Variants in CACNB4 observed in about 807,000 individuals in gnomAD.
CACNB4 encodes the protein voltage-dependent L-type calcium channel subunit beta-4.
In CACNB4, 32 loss-of-function variants were observed where a neutral mutation model predicts 71.2. The observed-to-expected ratio is 0.45, with a 90% CI of 0.34 to 0.60. The LOEUF (loss-of-function observed/expected upper bound fraction) is 0.60. Among genes scored for constraint, CACNB4 ranks in the 20% least tolerant of loss-of-function variants. The pLI is 0.01. For missense variants in CACNB4, 464 were observed against 647.9 expected (o/e 0.72, Z 3.08); for synonymous variants, 231 against 236.9 (o/e 0.97, Z 0.23).
chr2:151,976,816 C>T (rs1434782168), intron 2 of CACNB4, among the ~76,000 whole-genome samples: 1 of 152,174 alleles, frequency 6.6e-6, no homozygotes, highest in African/African-American at 2.4e-5. Flanking sequence ...TGAGACGTCC[C>T]TGGGAGCTTC....
At chr2:151,943,763 AT>A (rs1225534036) in intron 2 of CACNB4, among the ~76,000 whole-genome samples, 2 of 152,178 alleles carry the variant, frequency 1.3e-5, no homozygotes, top group Admixed American at 1.3e-4. Context: ...GAAGAAACTG[AT>A]TATGCATCAT....
At chr2:151,855,558 TA>T (rs1249319867) in intron 10 of CACNB4, among the ~76,000 whole-genome samples, 183 bp from the exon 11 acceptor site, 2 of 152,242 alleles carry the variant, frequency 1.3e-5, no homozygotes, top group Admixed American at 6.5e-5. Context: ...GAGTTTTGCA[TA>T]CAACCAGTTG....
intron 2 of CACNB4, among the ~76,000 whole-genome samples, chr2:151,939,912 A>T (rs2099863820): frequency 6.6e-6 from 1 of 152,228 alleles, no homozygotes; most frequent in African/African-American, 2.4e-5. Context: ...AAAGAAAAAA[A>T]AACCTAGCCT....
chr2:152,092,343 A>G (rs973313536), intron 2 of CACNB4, among the ~76,000 whole-genome samples: 3 of 152,250 alleles, frequency 2.0e-5, no homozygotes, highest in East Asian at 1.9e-4. Context: ...CATCAGAGAA[A>G]CATATCTATA....
chr2:151,885,389 G>C lies in CACNB4; in HGVS notation c.148-2019C>G, dbSNP rs1488452290. ...ACTGAATCCTTGCAGCAGTGGGAAGGCTGAGACTCAAACTCAGGTAGTTCA... is the reference window on the plus strand; with the variant it reads ...ACTGAATCCTTGCAGCAGTGGGAAGCCTGAGACTCAAACTCAGGTAGTTCA... On this transcript the variant is annotated intron_variant, in intron 2 of 13. Transcript: ENST00000539935. 2.6e-5 allele frequency among the ~76,000 whole-genome samples: 4 copies of C among 152,158 alleles called. No homozygotes were observed. In the East Asian group the frequency reaches 7.7e-4, roughly 29 times the overall value.
intron 3 of CACNB4, among the ~76,000 whole-genome samples, 167 bp from the exon 4 acceptor site, chr2:151,881,089 G>C (rs1354264098): frequency 1.3e-5 from 2 of 152,166 alleles, no homozygotes; most frequent in African/African-American, 2.4e-5. Flanking sequence ...AGATGACTCT[G>C]AAAATGATTG....
At chr2:152,096,293 C>A (rs1453051103) in intron 2 of CACNB4, among the ~76,000 whole-genome samples, 2 of 151,706 alleles carry the variant, frequency 1.3e-5, no homozygotes, top group Non-Finnish European at 2.9e-5. Flanking sequence ...ACCATCCTGG[C>A]TAACACGGTG....
chr2:152,026,477 T>C (rs1683980626), intron 2 of CACNB4, among the ~76,000 whole-genome samples: 2 of 151,712 alleles, frequency 1.3e-5, no homozygotes, highest in African/African-American at 4.8e-5. Flanking sequence ...CTCTGCCTCC[T>C]GGGCTCAAGC....
intron 2 of CACNB4, among the ~76,000 whole-genome samples, chr2:151,895,660 T>C (rs142708576): frequency 1.6e-4 from 24 of 152,124 alleles, no homozygotes; most frequent in African/African-American, 5.8e-4. Flanking sequence ...TACATAAATA[T>C]ATAAAAATAT....
chr2:151,915,640 C>G (rs999265711), intron 2 of CACNB4, among the ~76,000 whole-genome samples: 1 of 151,964 alleles, frequency 6.6e-6, no homozygotes, highest in African/African-American at 2.4e-5. Context: ...GTCAGGAGCT[C>G]GAGACCAGCC....
chr2:152,098,709 G>A lies in CACNB4; in HGVS notation c.63+240C>T. 6.4e-7 allele frequency: 1 copy of A among 1,556,368 alleles called. No individual in the cohort carries two copies. Among genetic ancestry groups the A allele is most frequent in the Non-Finnish European group, 8.7e-7 (1 of 1,149,790 alleles). On this transcript the variant is annotated intron_variant, in intron 1 of 13. Coordinates refer to ENST00000539935, the MANE Select transcript of CACNB4 (RefSeq NM_000726.5). This position sits in a 1 kb window ranked among gnomAD's most constrained non-coding sequence, Gnocchi z 5.3. ...CCGGCATCCGCTGGGGGAGGCTGCGGGCTCCGGAGCGGGAGCGCAGAGACC... is the reference window on the plus strand; with the variant it reads ...CCGGCATCCGCTGGGGGAGGCTGCGAGCTCCGGAGCGGGAGCGCAGAGACC...
intron 2 of CACNB4, among the ~76,000 whole-genome samples, chr2:151,962,422 T>TA (rs1460697522): frequency 2.0e-5 from 3 of 152,216 alleles, no homozygotes; most frequent in African/African-American, 2.4e-5. Flanking sequence ...CCCCAGAACT[T>TA]ACAGTTCCTC....
chr2:151,950,867 T>C (rs1282089790), intron 2 of CACNB4, among the ~76,000 whole-genome samples: 1 of 152,192 alleles, frequency 6.6e-6, no homozygotes, highest in East Asian at 1.9e-4. Flanking sequence ...GTGATGAAAA[T>C]GCTTCCGAAC....
At chr2:152,072,067 T>C (rs145359189) in intron 2 of CACNB4, among the ~76,000 whole-genome samples, 1 of 152,390 alleles carries the variant, frequency 6.6e-6, no homozygotes, top group African/African-American at 2.4e-5. Context: ...CTTGCCTTCC[T>C]GAAGCTTGCA....
At chr2:151,940,433 A>T (rs2099863954) in intron 2 of CACNB4, among the ~76,000 whole-genome samples, 1 of 152,188 alleles carries the variant, frequency 6.6e-6, no homozygotes, top group African/African-American at 2.4e-5. Context: ...GAAATAGAAA[A>T]TTGTTGCTAA....
At position 151,835,891 on chromosome 2, in the gene CACNB4, A is replaced by G. The variant is rs180968913; in HGVS notation, c.*3228T>C. The G allele has an allele frequency of 1.3e-5, 2 of 152,012 alleles. No homozygotes were observed. The highest frequency in any genetic ancestry group is 3.9e-4 in the East Asian group (2 of 5,190). The allele number at this position is 152,012 out of a possible 1,614,324, so 9.4% of individuals were successfully genotyped here. On this transcript the variant is annotated 3_prime_UTR_variant, in exon 14 of 14. Coordinates refer to ENST00000539935, the MANE Select transcript of CACNB4 (RefSeq NM_000726.5). Reference sequence around the variant, plus strand: ...GTCTCAGAATTTGTTTTACATTAATAAAATTCATTTCATTAAAGACTAACT... The same window carrying G: ...GTCTCAGAATTTGTTTTACATTAATGAAATTCATTTCATTAAAGACTAACT...
intron 2 of CACNB4, among the ~76,000 whole-genome samples, chr2:151,921,430 G>A (rs2099858994): frequency 6.6e-6 from 1 of 152,168 alleles, no homozygotes; most frequent in African/African-American, 2.4e-5. Context: ...TATTGCTGCT[G>A]TAAGAATGAC....
At chr2:151,909,713 C>A (rs2099855725) in intron 2 of CACNB4, among the ~76,000 whole-genome samples, 1 of 152,172 alleles carries the variant, frequency 6.6e-6, no homozygotes, top group Non-Finnish European at 1.5e-5. Context: ...AGGATGATGG[C>A]TTCTAGCTTC....
At chr2:151,966,405 T>C (rs1344204529) in intron 2 of CACNB4, among the ~76,000 whole-genome samples, 1 of 152,086 alleles carries the variant, frequency 6.6e-6, no homozygotes, top group African/African-American at 2.4e-5. Context: ...CTCAGTCTCC[T>C]GGGTACCTGG....
Sources: gnomAD v4.1 joint callset for allele counts (sites outside exome capture counted in the v4.1 genomes callset) on GRCh38, gnomAD v4.1.1 for gene constraint, Gnocchi (gnomAD v3.1) non-coding constraint, MANE v1.5 for transcripts, NCBI Gene and HGNC (gene_info 2026-07-23, HGNC 2026-07-21) for gene names.